Variants in PPA1 observed in about 807,000 individuals in gnomAD.
The protein encoded by PPA1 is inorganic pyrophosphatase.
A neutral mutation model predicts 41.8 loss-of-function variants in PPA1; 23 were observed. That is an observed-to-expected ratio of 0.55 (90% CI 0.40 to 0.78). The LOEUF (loss-of-function observed/expected upper bound fraction) is 0.78, where lower values mean the gene tolerates loss of function less well. Among genes scored for constraint, PPA1 ranks in the 30% least tolerant of loss-of-function variants. The pLI, the probability that PPA1 is intolerant of heterozygous loss-of-function variation, is 0.00. For synonymous variants in PPA1, 101 were observed against 116.8 expected, an observed-to-expected ratio of 0.86 and a Z score of 0.87; for missense variants, 320 against 361.6, an observed-to-expected ratio of 0.89 and a Z score of 0.93.
intron 2 of PPA1, among the ~76,000 whole-genome samples, chr10:70,223,217 A>AAGAGAGAGAGAGAGAGAG (rs10686040): frequency 4.1e-4 from 61 of 148,830 alleles, no homozygotes; most frequent in East Asian, 3.4e-3. Flanking sequence ...CATTTTTTTA[A>AAGAGAGAGAGAGAGAGAG]AGAGAGAGAG....
chr10:70,219,790 C>T (rs917954605), intron 2 of PPA1, among the ~76,000 whole-genome samples: 9 of 152,136 alleles, frequency 5.9e-5, no homozygotes, highest in Non-Finnish European at 1.2e-4. Flanking sequence ...CCATACTTTG[C>T]CAACCCATTT....
At chr10:70,205,064 T>C (rs1839922342) in intron 9 of PPA1, 149 bp from the exon 10 acceptor site, 2 of 600,126 alleles carry the variant, frequency 3.3e-6, no homozygotes, top group Admixed American at 3.1e-5. Flanking sequence ...CAATAGAAGG[T>C]TTGCTCTACT....
At chr10:70,223,150 A>G (rs1462590190) in intron 2 of PPA1, among the ~76,000 whole-genome samples, 1 of 152,056 alleles carries the variant, frequency 6.6e-6, no homozygotes, top group Non-Finnish European at 1.5e-5. Context: ...GGACCGCTTG[A>G]GGCCAAGAGT....
intron 6 of PPA1, chr10:70,210,427 A>G (rs1840003782): frequency 1.5e-6 from 2 of 1,364,172 alleles, no homozygotes; most frequent in Non-Finnish European, 9.8e-7. Context: ...ATACTAAAAG[A>G]TAAGAAAAAT....
chr10:70,211,611 C>T (rs1368859509), intron 6 of PPA1, among the ~76,000 whole-genome samples: 1 of 152,068 alleles, frequency 6.6e-6, no homozygotes, highest in Non-Finnish European at 1.5e-5. Context: ...TAGACACTGC[C>T]TTAGGTTGAC....
rs756044836 is a variant in PPA1 at position 70,217,870 on chromosome 10, T to C, written c.239A>G (p.Tyr80Cys). Residue 80 changes from tyrosine to cysteine, a missense_variant, in exon 4 of 11, where the codon TAT becomes TGT. By Grantham distance (194) the Tyr-to-Cys change is radical. Coordinates refer to ENST00000373232, the MANE Select transcript of PPA1 (RefSeq NM_021129.4). ...TTTATACGGGAACAAATTCGCAACA[T>C]AGCGAAGTTTTCCTTTTTTCACATC... ...KQDVKKGKLR[Y>C]VANLFPYKGY... 11 of 1,606,532 alleles carry C rather than the reference T, an allele frequency of 6.8e-6. No homozygotes were observed. Among genetic ancestry groups the C allele is most frequent in the African/African-American group, 4.0e-5 (3 of 74,810 alleles).
In PPA1 at chr10:70,211,931, T is replaced by C. The variant is rs149956322; in HGVS notation, c.511+1532A>G. ...AGGATTGGCATTCTTCCAGTCCTTC[T>C]TCAATGAATTAACACAGATGCAAAT... On this transcript the variant is annotated intron_variant, in intron 6 of 10. Transcript: ENST00000373232. Among the ~76,000 whole-genome samples, 45 of 152,370 alleles carry C rather than the reference T, an allele frequency of 3.0e-4. No individual in the cohort carries two copies. The East Asian group carries it at 8.1e-3, about 27-fold the overall frequency.
At chr10:70,218,884 A>G in intron 2 of PPA1, 67 bp from the exon 3 acceptor site, 1 of 1,146,588 alleles carries the variant, frequency 8.7e-7, no homozygotes, top group Non-Finnish European at 1.3e-6. Context: ...AGCATGCACT[A>G]TTTCTTCCAA....
intron 2 of PPA1, among the ~76,000 whole-genome samples, chr10:70,224,242 T>A (rs1840204904): frequency 1.9e-5 from 2 of 106,778 alleles, no homozygotes; most frequent in South Asian, 6.6e-4. Context: ...AGACCCTGTC[T>A]CTACAAAAAA....
At chr10:70,223,734 A>C (rs1654058717) in intron 2 of PPA1, among the ~76,000 whole-genome samples, 1 of 152,200 alleles carries the variant, frequency 6.6e-6, no homozygotes, top group Non-Finnish European at 1.5e-5. Flanking sequence ...ATGCATTCTA[A>C]TGATTCCAAT....
intron 6 of PPA1, chr10:70,210,446 T>C (rs2136754492): frequency 2.9e-6 from 4 of 1,359,762 alleles, no homozygotes; most frequent in Non-Finnish European, 3.9e-6. Flanking sequence ...ATAGATTAGA[T>C]TGATATCCAT....
chr10:70,217,087 C>T lies in PPA1; in HGVS notation c.297+725G>A, dbSNP rs187297828. ...AGGAGAATGGCGTGAACCTGGGAGA[C>T]GGAGCTTTTGCAGTGAGCCGAGATC... On this transcript the variant is annotated intron_variant, in intron 4 of 10. Transcript: ENST00000373232. 4.0e-3 allele frequency among the ~76,000 whole-genome samples: 608 copies of T among 151,422 alleles called. 3 individuals are homozygous for T. Among genetic ancestry groups the T allele is most frequent in the African/African-American group, 0.013 (552 of 41,218 alleles).
intron 1 of PPA1, among the ~76,000 whole-genome samples, chr10:70,232,649 T>C (rs1345003128): frequency 6.6e-6 from 1 of 152,128 alleles, no homozygotes; most frequent in African/African-American, 2.4e-5. Flanking sequence ...ATAAGGAGCA[T>C]TCCCAGCATC....
intron 9 of PPA1, 134 bp from the exon 10 acceptor site, chr10:70,205,049 AG>A (rs1839922214): frequency 1.6e-6 from 1 of 639,460 alleles, no homozygotes; most frequent in Admixed American, 3.0e-5. Flanking sequence ...TATAATATAT[AG>A]GAACAATAGA....
intron 2 of PPA1, among the ~76,000 whole-genome samples, chr10:70,230,083 A>G (rs1210196811): frequency 6.6e-6 from 1 of 151,958 alleles, no homozygotes; most frequent in Non-Finnish European, 1.5e-5. Context: ...TAATTTTTGT[A>G]TTTTTTGTAG....
In PPA1 at chr10:70,217,784, C is replaced by T. The variant is rs200966825; in HGVS notation, c.297+28G>A. 7.3e-6 allele frequency: 11 copies of T among 1,499,258 alleles called. No individual in the cohort carries two copies. The African/African-American group carries it at 1.5e-4, about 21-fold the overall frequency. The allele number at this position is 1,499,258 out of a possible 1,614,324, so 92.9% of individuals were successfully genotyped here. The stretch of plus-strand genomic sequence containing the variant: ...TTAATATTTAGTAAGCTAAAAAGTA[C>T]ATTGTCAGCAGTTGCATGAAGACAT... On this transcript the variant is annotated intron_variant, in intron 4 of 10. Coordinates refer to ENST00000373232, the MANE Select transcript of PPA1 (RefSeq NM_021129.4).
chr10:70,221,323 G>A (rs953889200), intron 2 of PPA1, among the ~76,000 whole-genome samples: 1 of 151,416 alleles, frequency 6.6e-6, no homozygotes, highest in Non-Finnish European at 1.5e-5. Context: ...ATTCAAAAGT[G>A]TAGAACTTCT....
At chr10:70,230,628 T>G (rs1409270585) in intron 1 of PPA1, among the ~76,000 whole-genome samples, 1 of 152,056 alleles carries the variant, frequency 6.6e-6, no homozygotes. Context: ...CCACTACGTC[T>G]GGCTAATTTT....
At chr10:70,228,080 A>G (rs1324359764) in intron 2 of PPA1, among the ~76,000 whole-genome samples, 2 of 152,186 alleles carry the variant, frequency 1.3e-5, no homozygotes, top group Non-Finnish European at 2.9e-5. Flanking sequence ...GCTTCTGCCC[A>G]AGGTCCACTG....
Sources: allele counts gnomAD v4.1 joint callset (sites outside exome capture counted in the v4.1 genomes callset), GRCh38; gene constraint gnomAD v4.1.1; transcripts MANE v1.5; gene names NCBI Gene and HGNC (gene_info 2026-07-23, HGNC 2026-07-21).